OSMR: variants seen among roughly 807,000 people sequenced by gnomAD.
The protein encoded by OSMR is oncostatin-M-specific receptor subunit beta.
A neutral mutation model predicts 99.9 loss-of-function variants in OSMR; 81 were observed. The ratio of observed to expected loss-of-function variants is 0.81; its 90% CI spans 0.68 to 0.97. The LOEUF is 0.97. Among genes scored for constraint, OSMR ranks in the 50% least tolerant of loss-of-function variants. The pLI is 0.00. For synonymous variants in OSMR, 406 were observed against 410.4 expected (o/e 0.99, Z 0.13); for missense variants, 1,099 against 1,153.4 (o/e 0.95, Z 0.68).
At position 38,862,563 on chromosome 5, in the gene OSMR, C is replaced by T. The variant is rs1438761763; in HGVS notation, c.-13-6469C>T. On this transcript the variant is annotated intron_variant, in intron 1 of 17. Transcript: ENST00000274276. ...GCAGAGGGTCTCCTCACTTCTCAGA[C>T]GGGGCGGCCGGGCAGAGATGCTCCT... Among the ~76,000 whole-genome samples the T allele has an allele frequency of 5.6e-4, 80 of 141,950 alleles. 1 individual carries two copies. Among genetic ancestry groups the T allele is most frequent in the East Asian group, 2.4e-3 (11 of 4,616 alleles). 93.1% of individuals were successfully genotyped at this position (141,950 alleles called of 152,430 possible).
intron 1 of OSMR, among the ~76,000 whole-genome samples, chr5:38,857,442 AGAATTAG>A (rs1487141821): frequency 7.2e-6 from 1 of 138,784 alleles, no homozygotes; most frequent in Non-Finnish European, 1.6e-5. Context: ...TATTTCCTCT[AGAATTAG>A]TTTTCCCCCG....
Position 38,933,775 on chromosome 5 carries a change from G to C in OSMR, c.*331G>C, listed in dbSNP as rs1171710388. On this transcript the variant is annotated 3_prime_UTR_variant, in exon 18 of 18. Transcript: ENST00000274276. ...CAGACTCCCACTCAGTACTGTACAG[G>C]GTGGCTGTGGTCCTAGAAGTTCAGT... The C allele has an allele frequency of 2.9e-5, 8 of 276,830 alleles. No individual in the cohort carries two copies. The highest frequency in any genetic ancestry group is 1.1e-3 in the Middle Eastern group (1 of 878). The allele number at this position is 276,830 out of a possible 1,614,324, so 17.1% of individuals were successfully genotyped here.
chr5:38,921,660 C>G lies in OSMR; in HGVS notation c.1631C>G (p.Ser544Cys), dbSNP rs760228473. 6.8e-6 allele frequency: 11 copies of G among 1,614,162 alleles called. No homozygotes were observed. Among genetic ancestry groups the G allele is most frequent in the Middle Eastern group, 1.6e-4 (1 of 6,062 alleles). Reference sequence around the variant, plus strand: ...ATTGCAGGCACAGAGGGTGGATTCTCTCTGTCTTGGAAACCCCAACCTGGA... The same window carrying G: ...ATTGCAGGCACAGAGGGTGGATTCTGTCTGTCTTGGAAACCCCAACCTGGA... ...ERIAGTEGGF[S>C]LSWKPQPGDV... The change falls in exon 12 of 18, where the codon TCT becomes TGT. Residue 544 changes from serine (S) to cysteine (C), a missense_variant. Coordinates refer to ENST00000274276, the MANE Select transcript of OSMR (RefSeq NM_003999.3).
At chr5:38,877,840 TTTTA>T (rs1309454132) in intron 3 of OSMR, among the ~76,000 whole-genome samples, 3 of 152,218 alleles carry the variant, frequency 2.0e-5, no homozygotes, top group Non-Finnish European at 4.4e-5. Context: ...AAGTGGATTT[TTTTA>T]TTTATTTTCC....
rs956054671 is a variant in OSMR, at chr5:38,943,435, G to A, written c.75-766G>A. 5.3e-5 allele frequency among the ~76,000 whole-genome samples: 8 copies of A among 152,148 alleles called. 1 individual carries two copies. In the South Asian group the frequency reaches 1.5e-3, roughly 28 times the overall value. ...TGGGTGAGTGACCAGTTAAGGGCCC[G>A]CTCCCAGAGCTCCCAGCCCAGAGGT... is the stretch of plus-strand genomic sequence containing the variant. On this transcript the variant is annotated intron_variant and NMD_transcript_variant, in intron 1 of 2. Coordinates refer to the OSMR transcript ENST00000508882.
chr5:38,895,669 T>C (rs1337831221), intron 7 of OSMR, among the ~76,000 whole-genome samples: 1 of 152,136 alleles, frequency 6.6e-6, no homozygotes, highest in Non-Finnish European at 1.5e-5. Context: ...TTGTCCATTT[T>C]TGCTTTGGTT....
intron 3 of OSMR, among the ~76,000 whole-genome samples, chr5:38,879,473 C>T (rs956999249): frequency 4.6e-5 from 7 of 152,194 alleles, no homozygotes; most frequent in South Asian, 4.2e-4. Context: ...TCAGCCAAAG[C>T]GGAGATGCGG....
intron 7 of OSMR, among the ~76,000 whole-genome samples, chr5:38,894,996 A>G (rs1020943064): frequency 6.6e-6 from 1 of 152,076 alleles, no homozygotes; most frequent in Admixed American, 6.6e-5. Context: ...AAAAATAAAA[A>G]CTTTTAGGTA....
chr5:38,863,288 C>T (rs1446869236), intron 1 of OSMR, among the ~76,000 whole-genome samples: 1 of 147,342 alleles, frequency 6.8e-6, no homozygotes, highest in African/African-American at 2.5e-5. Context: ...TGCCTGTAAT[C>T]CCAGCACTTT....
chr5:38,916,967 T>C (rs1045559444), intron 9 of OSMR, among the ~76,000 whole-genome samples: 1 of 151,924 alleles, frequency 6.6e-6, no homozygotes, highest in African/African-American at 2.4e-5. Context: ...ATAGAAGAAA[T>C]GCTGGGTGCT....
chr5:38,897,899 A>C (rs1278930645), intron 7 of OSMR, among the ~76,000 whole-genome samples: 3 of 151,944 alleles, frequency 2.0e-5, no homozygotes, highest in Non-Finnish European at 4.4e-5. Flanking sequence ...ATTTCTATGT[A>C]GTTTATAGTT....
chr5:38,926,495 A>G (rs1044656251), intron 15 of OSMR, among the ~76,000 whole-genome samples: 2 of 152,214 alleles, frequency 1.3e-5, no homozygotes, highest in African/African-American at 4.8e-5. Flanking sequence ...CCTTCTTAAC[A>G]TGGCGGAAGG....
At chr5:38,881,117 G>T (rs1743249610) in intron 3 of OSMR, among the ~76,000 whole-genome samples, 1 of 152,128 alleles carries the variant, frequency 6.6e-6, no homozygotes, top group African/African-American at 2.4e-5. Flanking sequence ...TGCCATGAAA[G>T]ACTGCTTTCT....
At chr5:38,911,821 A>T (rs1745607732) in intron 9 of OSMR, among the ~76,000 whole-genome samples, 2 of 152,206 alleles carry the variant, frequency 1.3e-5, no homozygotes, top group Admixed American at 1.3e-4. Flanking sequence ...CCACACAATC[A>T]TCTCAATATA....
At chr5:38,912,070 A>G (rs1367511806) in intron 9 of OSMR, among the ~76,000 whole-genome samples, 1 of 152,078 alleles carries the variant, frequency 6.6e-6, no homozygotes, top group Non-Finnish European at 1.5e-5. Flanking sequence ...CAGAGCAATC[A>G]GACAAGAGAA....
intron 9 of OSMR, 127 bp downstream of exon 9, chr5:38,904,630 A>T (rs1745114995): frequency 2.7e-6 from 3 of 1,119,890 alleles, no homozygotes; most frequent in East Asian, 2.5e-5. Context: ...GGTAGCATTT[A>T]AAAAATTAGA....
At chr5:38,864,208 A>G (rs186052915) in intron 1 of OSMR, among the ~76,000 whole-genome samples, 2 of 152,184 alleles carry the variant, frequency 1.3e-5, no homozygotes, top group East Asian at 3.9e-4. Context: ...ACATTTTGTC[A>G]TCCTGTTTTT....
chr5:38,878,405 T>C (rs1224106300), intron 3 of OSMR, among the ~76,000 whole-genome samples: 1 of 152,032 alleles, frequency 6.6e-6, no homozygotes, highest in East Asian at 1.9e-4. Flanking sequence ...CCCAAACAAG[T>C]CAAAGGAAGA....
intron 2 of OSMR, 88 bp downstream of exon 2, chr5:38,869,205 T>G (rs907488606): frequency 5.0e-6 from 5 of 999,192 alleles, no homozygotes; most frequent in Non-Finnish European, 8.1e-6. Flanking sequence ...AAACAGTTCT[T>G]TTTTCTTTGG....
Sources: allele counts gnomAD v4.1 joint callset (sites outside exome capture counted in the v4.1 genomes callset), GRCh38; gene constraint gnomAD v4.1.1; transcripts MANE v1.5; gene names NCBI Gene and HGNC (gene_info 2026-07-23, HGNC 2026-07-21).